SYBU: variants seen among roughly 807,000 people sequenced by gnomAD.
SYBU encodes syntabulin, also known as GOLSYN A protein.
SYBU carries 21 observed loss-of-function variants against 35.9 expected under a neutral mutation model. That is an observed-to-expected ratio of 0.58 (90% CI 0.41 to 0.84). The LOEUF (loss-of-function observed/expected upper bound fraction) is 0.84, where lower values mean the gene tolerates loss of function less well. SYBU is among the 40% of genes least tolerant of loss of function. The pLI is 0.00. For synonymous variants in SYBU, 319 were observed against 324.3 expected, an observed-to-expected ratio of 0.98 and a Z score of 0.18; for missense variants, 768 against 848.2, an observed-to-expected ratio of 0.91 and a Z score of 1.17.
chr8:109,621,522 C>A (rs1812397891), intron 2 of SYBU, among the ~76,000 whole-genome samples: 1 of 152,154 alleles, frequency 6.6e-6, no homozygotes, highest in African/African-American at 2.4e-5. Flanking sequence ...TACTCTTGTG[C>A]TTCATATGGT....
intron 3 of SYBU, among the ~76,000 whole-genome samples, chr8:109,597,253 T>C (rs902376205): frequency 1.2e-4 from 19 of 152,162 alleles, no homozygotes; most frequent in African/African-American, 3.9e-4. Context: ...TGTCCCAAAG[T>C]GGGGAGGAAG....
At chr8:109,610,880 G>A (rs562637082) in intron 3 of SYBU, among the ~76,000 whole-genome samples, 1 of 152,186 alleles carries the variant, frequency 6.6e-6, no homozygotes, top group Non-Finnish European at 1.5e-5. Flanking sequence ...GCTCCTTCAG[G>A]ATGCAGGAAT....
chr8:109,663,372 G>A (rs1255645381), intron 1 of SYBU, among the ~76,000 whole-genome samples: 1 of 151,988 alleles, frequency 6.6e-6, no homozygotes, highest in Non-Finnish European at 1.5e-5. Context: ...GATACAATGG[G>A]TCAATACAAG....
chr8:109,677,572 C>G (rs1380513766), intron 1 of SYBU, among the ~76,000 whole-genome samples: 1 of 152,150 alleles, frequency 6.6e-6, no homozygotes, highest in Non-Finnish European at 1.5e-5. Flanking sequence ...TAACTTGAGA[C>G]ACTTTAATGT....
intron 3 of SYBU, among the ~76,000 whole-genome samples, chr8:109,598,569 C>T (rs1825152152): frequency 6.6e-6 from 1 of 152,302 alleles, no homozygotes; most frequent in Middle Eastern, 3.4e-3. Flanking sequence ...TGTAAGTGCA[C>T]AGTAAATACT....
At position 109,642,914 on chromosome 8, in the gene SYBU, G is replaced by T; in HGVS notation, c.43C>A (p.His15Asn). ...CTTCGAGAAATCTCCTTGTCATGATGCTGCACTCTGTGCTCCTTCTCAAAA... is the reference window on the plus strand; with the variant it reads ...CTTCGAGAAATCTCCTTGTCATGATTCTGCACTCTGTGCTCCTTCTCAAAA... ...RESKKEHRVQHHDKEISRSRI... is the reference protein window; with the variant it reads ...RESKKEHRVQNHDKEISRSRI... The change falls in exon 2 of 7, where the codon CAT (histidine) becomes AAT (asparagine). Residue 15 changes from histidine to asparagine, a missense_variant. His to Asn is a moderately conservative substitution (Grantham distance 68, BLOSUM62 1). Transcript: ENST00000276646. The T allele has an allele frequency of 1.9e-6, 3 of 1,545,064 alleles. No individual in the cohort carries two copies. Among genetic ancestry groups the T allele is most frequent in the Non-Finnish European group, 2.6e-6 (3 of 1,143,448 alleles).
intron 1 of SYBU, among the ~76,000 whole-genome samples, chr8:109,678,430 TAA>T (rs1817279166): frequency 2.0e-4 from 25 of 123,870 alleles, no homozygotes; most frequent in Non-Finnish European, 3.9e-4. Flanking sequence ...CAGTTTCAAA[TAA>T]CCTTTTTTTT....
chr8:109,631,089 A>G (rs1015253618), intron 2 of SYBU, among the ~76,000 whole-genome samples: 3 of 152,220 alleles, frequency 2.0e-5, no homozygotes, highest in Non-Finnish European at 4.4e-5. Flanking sequence ...TGTGCTCGCC[A>G]GGACGCATTA....
At chr8:109,653,496 C>A (rs557368961) in intron 1 of SYBU, among the ~76,000 whole-genome samples, 1 of 152,148 alleles carries the variant, frequency 6.6e-6, no homozygotes, top group South Asian at 2.1e-4. Flanking sequence ...AAAGTCTTAA[C>A]AGCACTGCCT....
At chr8:109,653,384 T>G (rs982204936) in intron 1 of SYBU, among the ~76,000 whole-genome samples, 1 of 152,170 alleles carries the variant, frequency 6.6e-6, no homozygotes, top group South Asian at 2.1e-4. Flanking sequence ...ATATCTCCCA[T>G]CTTCCCCTGC....
rs1811184306 is a variant in SYBU at position 109,611,641 on chromosome 8, A to C, written c.427+7201T>G. 2.0e-5 allele frequency among the ~76,000 whole-genome samples: 3 copies of C among 152,372 alleles called. No homozygotes were observed. The South Asian group carries it at 6.2e-4, about 32-fold the overall frequency. On this transcript the variant is annotated intron_variant, in intron 3 of 6. Transcript: ENST00000276646. ...TACAAAAGCTCTTGCTTAAGCTGAC[A>C]AACTCTAATGATTTTCATTTAAGAA...
chr8:109,670,687 TAAATA>T (rs1260332826), intron 1 of SYBU, among the ~76,000 whole-genome samples: 1 of 152,150 alleles, frequency 6.6e-6, no homozygotes, highest in Non-Finnish European at 1.5e-5. Flanking sequence ...ATAAGATCTT[TAAATA>T]AAATTTTAAA....
intron 3 of SYBU, among the ~76,000 whole-genome samples, chr8:109,605,027 C>G (rs1173613732): frequency 3.3e-5 from 5 of 152,170 alleles, no homozygotes; most frequent in African/African-American, 4.8e-5. Context: ...GCATCCCTTA[C>G]TCTGAAAGTG....
At chr8:109,605,259 G>C (rs566078621) in intron 3 of SYBU, among the ~76,000 whole-genome samples, 1 of 152,332 alleles carries the variant, frequency 6.6e-6, no homozygotes, top group South Asian at 2.1e-4. Context: ...ATAAGTAAAA[G>C]TCACCATGCT....
In SYBU at chr8:109,657,575, C is replaced by A. The variant is rs1364995263; in HGVS notation, c.-129+23136G>T. ...TCTATTCCTGTAACCTGACTTCATCCTTTTCTTTCCACTGTTGCCACTGAA... is the reference window on the plus strand; with the variant it reads ...TCTATTCCTGTAACCTGACTTCATCATTTTCTTTCCACTGTTGCCACTGAA... On this transcript the variant is annotated intron_variant, in intron 1 of 5. Coordinates refer to the SYBU transcript ENST00000408889. Among the ~76,000 whole-genome samples the A allele has an allele frequency of 3.3e-5, 5 of 152,192 alleles. No homozygotes were observed. The East Asian group carries it at 7.7e-4, about 23-fold the overall frequency.
intron 1 of SYBU, among the ~76,000 whole-genome samples, chr8:109,651,867 G>A (rs1285753474): frequency 6.6e-6 from 1 of 152,070 alleles, no homozygotes; most frequent in Non-Finnish European, 1.5e-5. Flanking sequence ...GTTTTCTCTC[G>A]ATGACTTATG....
At chr8:109,576,758 A>G (rs545078685) in intron 6 of SYBU, among the ~76,000 whole-genome samples, 5 of 152,294 alleles carry the variant, frequency 3.3e-5, no homozygotes, top group African/African-American at 9.6e-5. Flanking sequence ...AGATCTTTGT[A>G]TATAAATTCT....
At chr8:109,657,433 G>T (rs1816395976) in intron 1 of SYBU, among the ~76,000 whole-genome samples, 1 of 152,230 alleles carries the variant, frequency 6.6e-6, no homozygotes, top group East Asian at 1.9e-4. Context: ...AAGGAAATTT[G>T]TTTGTTCTAT....
intron 3 of SYBU, among the ~76,000 whole-genome samples, chr8:109,609,231 C>T (rs1410178374): frequency 6.6e-6 from 1 of 152,148 alleles, no homozygotes; most frequent in Non-Finnish European, 1.5e-5. Flanking sequence ...CTTCTTTGAA[C>T]AAAAAGTGCC....
Sources: allele counts gnomAD v4.1 joint callset (sites outside exome capture counted in the v4.1 genomes callset), GRCh38; gene constraint gnomAD v4.1.1; transcripts MANE v1.5; gene names NCBI Gene and HGNC (gene_info 2026-07-23, HGNC 2026-07-21).